The following SYT7 variants were observed in gnomAD, a reference collection of about 807,000 sequenced individuals.
SYT7 encodes the protein synaptotagmin-7.
Under a neutral mutation model 75.1 loss-of-function variants are expected in SYT7, and 29 were observed. The observed-to-expected ratio is 0.39, with a 90% CI of 0.29 to 0.53. The LOEUF (loss-of-function observed/expected upper bound fraction) is 0.53. SYT7 is among the 20% of genes least tolerant of loss of function. The probability of loss-of-function intolerance (pLI) is 0.77; values close to 1 mark genes in which losing one functional copy is unlikely to be tolerated. For synonymous variants in SYT7, 376 were observed against 401.7 expected, an observed-to-expected ratio of 0.94 and a Z score of 0.76; for missense variants, 693 against 953.2, an observed-to-expected ratio of 0.73 and a Z score of 3.59.
rs964354439 is a variant in SYT7 at position 61,518,430 on chromosome 11, C to T, written c.*197G>A. 4.6e-5 allele frequency: 19 copies of T among 415,084 alleles called. No homozygotes were observed. The Admixed American group carries it at 4.6e-4, about 10-fold the overall frequency. 25.7% of individuals were successfully genotyped at this position (415,084 alleles called of 1,614,324 possible). A position where few individuals can be genotyped will look rare whatever the true frequency, so the allele number is the denominator to read the frequency against. On this transcript the variant is annotated 3_prime_UTR_variant, in exon 13 of 13. Transcript: ENST00000539008. ...AAAATGCCTCCCAGAGCCCCTTCCC[C>T]GGAGCTGGACTGTGGGGGATGGGGC...
At chr11:61,541,814 T>C (rs2063050584) in intron 6 of SYT7, among the ~76,000 whole-genome samples, 2 of 150,634 alleles carry the variant, frequency 1.3e-5, no homozygotes, top group African/African-American at 4.9e-5. Flanking sequence ...TGGAGATGAG[T>C]AAAAGGGATG....
Position 61,517,132 on chromosome 11 carries a change from G to A in SYT7, c.*1495C>T. Reference sequence around the variant, plus strand: ...CTGGCGGTAGTTCTGGGAATGTCAGGCCCAGGCTCGTGGACCCCCAGGATT... The same window carrying A: ...CTGGCGGTAGTTCTGGGAATGTCAGACCCAGGCTCGTGGACCCCCAGGATT... On this transcript the variant is annotated 3_prime_UTR_variant, in exon 13 of 13. Transcript: ENST00000539008. 1 of 396,986 alleles carries A rather than the reference G, an allele frequency of 2.5e-6. No homozygotes were observed. Among genetic ancestry groups the A allele is most frequent in the Non-Finnish European group, 4.4e-6 (1 of 225,486 alleles). 24.6% of individuals were successfully genotyped at this position (396,986 alleles called of 1,614,324 possible).
chr11:61,586,058 C>A (rs1273826363), upstream of SYT7, among the ~76,000 whole-genome samples: 1 of 152,132 alleles, frequency 6.6e-6, no homozygotes, highest in Non-Finnish European at 1.5e-5. Flanking sequence ...AGCTATAGGC[C>A]CCCAAGGGTC....
chr11:61,542,697 C>A lies in SYT7; in HGVS notation c.573-118G>T. 1 of 1,375,656 alleles carries A rather than the reference C, an allele frequency of 7.3e-7. No individual in the cohort carries two copies. Among genetic ancestry groups the A allele is most frequent in the Non-Finnish European group, 9.4e-7 (1 of 1,069,354 alleles). 85.2% of individuals were successfully genotyped at this position (1,375,656 alleles called of 1,614,324 possible). A position where few individuals can be genotyped will look rare whatever the true frequency, so the allele number is the denominator to read the frequency against. On this transcript the variant is annotated intron_variant, in intron 5 of 12. Coordinates refer to ENST00000539008, the MANE Select transcript of SYT7 (RefSeq NM_001365809.2). This position sits in a 1 kb window ranked among gnomAD's most constrained non-coding sequence, Gnocchi z 7.8. ...CCAGTGCAGGGTGCGCGCTGCCGGACCTCGCCAGGCCTCCATCGGAGCTGT... is the reference window on the plus strand; with the variant it reads ...CCAGTGCAGGGTGCGCGCTGCCGGAACTCGCCAGGCCTCCATCGGAGCTGT...
chr11:61,566,070 G>A (rs923508401), intron 1 of SYT7, among the ~76,000 whole-genome samples: 6 of 152,258 alleles, frequency 3.9e-5, no homozygotes, highest in Non-Finnish European at 8.8e-5. Flanking sequence ...CCTCATCAGA[G>A]AGCGAGACCT....
At chr11:61,529,665 C>A (rs1462757857) in intron 8 of SYT7, among the ~76,000 whole-genome samples, 2 of 152,184 alleles carry the variant, frequency 1.3e-5, no homozygotes, top group Non-Finnish European at 2.9e-5. Flanking sequence ...GCCAGGGTCT[C>A]GCTCTGTTGC....
At chr11:61,534,445 G>GCGCA (rs1555004889) in intron 7 of SYT7, among the ~76,000 whole-genome samples, 20 of 151,538 alleles carry the variant, frequency 1.3e-4, no homozygotes, top group South Asian at 2.1e-4. Context: ...GCACACGCAC[G>GCGCA]CACACACGCA....
rs748743081 is a variant in SYT7, at chr11:61,543,000, T to G, written c.573-421A>C. Among the ~76,000 whole-genome samples, 2 of 152,184 alleles carry G rather than the reference T, an allele frequency of 1.3e-5. No individual in the cohort carries two copies. Among genetic ancestry groups the G allele is most frequent in the Non-Finnish European group, 2.9e-5 (2 of 68,014 alleles). On this transcript the variant is annotated intron_variant, in intron 5 of 12. Coordinates refer to ENST00000539008, the MANE Select transcript of SYT7 (RefSeq NM_001365809.2). The surrounding 1 kb of genome is among the most constrained non-coding windows in gnomAD (Gnocchi z 7.8). ...GCTGTGGCCCCTCCCGCTATTTCGC[T>G]GGGGGACACCAGGAAAGTCTGCCTC...
chr11:61,530,187 G>C (rs192783079), intron 8 of SYT7, among the ~76,000 whole-genome samples: 1 of 152,136 alleles, frequency 6.6e-6, no homozygotes, highest in Non-Finnish European at 1.5e-5. Context: ...CCAGTTTATC[G>C]GCCAGGAATC....
chr11:61,528,972 C>T (rs1296527374), intron 8 of SYT7, among the ~76,000 whole-genome samples: 2 of 152,144 alleles, frequency 1.3e-5, no homozygotes, highest in Non-Finnish European at 2.9e-5. Flanking sequence ...CATCTCATCC[C>T]GTTCTGACAT....
chr11:61,527,482 T>C (rs991859987), intron 9 of SYT7, among the ~76,000 whole-genome samples: 8 of 152,202 alleles, frequency 5.3e-5, no homozygotes, highest in Non-Finnish European at 1.2e-4. Context: ...CACTATGATC[T>C]GGTGGCTCCA....
intron 2 of SYT7, among the ~76,000 whole-genome samples, chr11:61,555,645 T>A (rs1390223847): frequency 6.6e-6 from 1 of 152,162 alleles, no homozygotes; most frequent in Non-Finnish European, 1.5e-5. Flanking sequence ...CGCCTCCGCA[T>A]TGGCCACCGG....
intron 2 of SYT7, among the ~76,000 whole-genome samples, chr11:61,555,641 C>T (rs2063479228): frequency 6.6e-6 from 1 of 152,174 alleles, no homozygotes; most frequent in African/African-American, 2.4e-5. Context: ...GCGGCGCCTC[C>T]GCATTGGCCA....
intron 1 of SYT7, among the ~76,000 whole-genome samples, chr11:61,561,817 A>G (rs1161198641): frequency 6.6e-6 from 1 of 152,122 alleles, no homozygotes; most frequent in East Asian, 1.9e-4. Flanking sequence ...TGCTCACTCC[A>G]GTATACTCTA....
chr11:61,540,950 G>A (rs919691667), intron 6 of SYT7: 1 of 985,466 alleles, frequency 1.0e-6, no homozygotes. Flanking sequence ...CTTGAGTGGG[G>A]TAGAGCCCCA....
rs200728293 is a variant in SYT7, at chr11:61,569,657, T to TACAGAAGG, written c.31+11125_31+11132dup. ...AGGTGCCCCAGAAAACGGTCAAGAT[T>TACAGAAGG]ACAGAAGGGGCAGAGGCAGAGAGAC... On this transcript the variant is annotated intron_variant, in intron 1 of 12. Coordinates refer to ENST00000539008, the MANE Select transcript of SYT7 (RefSeq NM_001365809.2). Among the ~76,000 whole-genome samples, 842 of 151,674 alleles carry TACAGAAGG rather than the reference T, an allele frequency of 5.6e-3. 6 individuals carry two copies. The highest frequency in any genetic ancestry group is 0.019 in the African/African-American group (792 of 41,318).
At chr11:61,578,144 G>C (rs2064137062) in intron 1 of SYT7, among the ~76,000 whole-genome samples, 1 of 152,192 alleles carries the variant, frequency 6.6e-6, no homozygotes, top group African/African-American at 2.4e-5. Context: ...TTCTTCACTG[G>C]ACTCCGATTA....
At chr11:61,548,408 G>A (rs2063252374) in intron 3 of SYT7, among the ~76,000 whole-genome samples, 2 of 152,178 alleles carry the variant, frequency 1.3e-5, no homozygotes, top group African/African-American at 4.8e-5. Context: ...GCCGGTGGAG[G>A]GCATGGCCTG....
intron 1 of SYT7, among the ~76,000 whole-genome samples, chr11:61,570,892 TAAG>T (rs758856275): frequency 3.4e-4 from 52 of 152,204 alleles, no homozygotes; most frequent in East Asian, 2.5e-3. Context: ...TAGGACCAGA[TAAG>T]AAGAACTACT....
Sources: gnomAD v4.1 joint callset for allele counts (sites outside exome capture counted in the v4.1 genomes callset) on GRCh38, gnomAD v4.1.1 for gene constraint, Gnocchi (gnomAD v3.1) non-coding constraint, MANE v1.5 for transcripts, NCBI Gene and HGNC (gene_info 2026-07-23, HGNC 2026-07-21) for gene names.